The following CCDC73 variants were observed in gnomAD, a reference collection of about 807,000 sequenced individuals.
CCDC73 encodes coiled-coil domain containing 73, also known as coiled-coil domain-containing protein 73.
A neutral mutation model predicts 116.5 loss-of-function variants in CCDC73; 95 were observed. The observed-to-expected ratio is 0.82, with a 90% CI of 0.69 to 0.97. The LOEUF is 0.97. Ranked by LOEUF, CCDC73 falls within the 50% of genes least tolerant of loss-of-function variation. The pLI is 0.00. For synonymous variants in CCDC73, 398 were observed against 401.3 expected, an observed-to-expected ratio of 0.99 and a Z score of 0.10; for missense variants, 1,066 against 1,206.8, an observed-to-expected ratio of 0.88 and a Z score of 1.73.
At chr11:32,777,099 C>CT (rs759122829) in intron 1 of CCDC73, among the ~76,000 whole-genome samples, 12,803 of 106,798 alleles carry the variant, frequency 0.12, 1,257 homozygotes, top group Non-Finnish European at 0.17. Flanking sequence ...TTTTTTCTTT[C>CT]TTTTTTTTTT....
chr11:32,604,264 C>CA, intron 17 of CCDC73: 1 of 152,184 alleles, frequency 6.6e-6, no homozygotes, highest in Admixed American at 6.5e-5. Context: ...CCTTGGACTA[C>CA]AGGCATGTGC....
chr11:32,660,229 CAAAAAAAAAAAA>C (rs11310092), intron 9 of CCDC73, among the ~76,000 whole-genome samples: 8 of 66,506 alleles, frequency 1.2e-4, no homozygotes, highest in Admixed American at 2.1e-4. Flanking sequence ...TTCTCTCTAC[CAAAAAAAAAAAA>C]AAAAAAAAAA....
chr11:32,638,207 T>C (rs1197942675), intron 13 of CCDC73, among the ~76,000 whole-genome samples: 1 of 152,246 alleles, frequency 6.6e-6, no homozygotes, highest in Non-Finnish European at 1.5e-5. Context: ...TACAACATTC[T>C]TCTTATTGAT....
chr11:32,674,155 C>G (rs1856063925), intron 9 of CCDC73, among the ~76,000 whole-genome samples: 1 of 152,098 alleles, frequency 6.6e-6, no homozygotes, highest in Non-Finnish European at 1.5e-5. Flanking sequence ...GAGGGGCAAA[C>G]AGAAGATTTT....
chr11:32,782,325 T>C (rs192690409), intron 1 of CCDC73, among the ~76,000 whole-genome samples: 39 of 152,278 alleles, frequency 2.6e-4, no homozygotes, highest in African/African-American at 7.5e-4. Flanking sequence ...TGTGGAAAAA[T>C]TGTCTTCCAC....
At chr11:32,697,698 G>A (rs1249796224) in intron 6 of CCDC73, among the ~76,000 whole-genome samples, 1 of 151,752 alleles carries the variant, frequency 6.6e-6, no homozygotes, top group African/African-American at 2.4e-5. Flanking sequence ...TGGCCAGGCT[G>A]GTCTCCAACT....
chr11:32,726,388 G>T (rs1324571684), intron 2 of CCDC73, among the ~76,000 whole-genome samples: 2 of 152,012 alleles, frequency 1.3e-5, no homozygotes, highest in African/African-American at 4.8e-5. Context: ...TATTAGAACT[G>T]AAAAATATAA....
the CCDC73 span, among the ~76,000 whole-genome samples, chr11:32,828,648 A>G: frequency 6.6e-6 from 1 of 152,196 alleles, no homozygotes; most frequent in Admixed American, 6.5e-5. Context: ...GGATGTGACC[A>G]TCACCTGGCA....
chr11:32,633,704 T>C lies in CCDC73; in HGVS notation c.1185+1992A>G, dbSNP rs551039415. On this transcript the variant is annotated intron_variant, in intron 14 of 17. Coordinates refer to ENST00000335185, the MANE Select transcript of CCDC73 (RefSeq NM_001008391.4). ...AATTGCTGTCTACCAGGGAAGCTCATTAGAGACTCAGCACCCAAAGTTTTT... is the reference window on the plus strand; with the variant it reads ...AATTGCTGTCTACCAGGGAAGCTCACTAGAGACTCAGCACCCAAAGTTTTT... Among the ~76,000 whole-genome samples, 10 of 152,318 alleles carry C rather than the reference T, an allele frequency of 6.6e-5. 1 individual carries two copies. The East Asian group carries it at 1.4e-3, about 21-fold the overall frequency.
intron 2 of CCDC73, among the ~76,000 whole-genome samples, chr11:32,736,294 GAACTC>G (rs1189626137): frequency 6.6e-6 from 1 of 151,990 alleles, no homozygotes; most frequent in Non-Finnish European, 1.5e-5. Context: ...AATCTACAAA[GAACTC>G]AAACAAATTT....
the CCDC73 span, among the ~76,000 whole-genome samples, chr11:32,825,461 C>A: frequency 6.6e-6 from 1 of 152,126 alleles, no homozygotes; most frequent in African/African-American, 2.4e-5. Flanking sequence ...CACCACCACA[C>A]CTGGCTAATT....
intron 2 of CCDC73, among the ~76,000 whole-genome samples, chr11:32,727,561 T>C (rs1337303778): frequency 2.0e-5 from 3 of 152,044 alleles, no homozygotes; most frequent in Non-Finnish European, 1.5e-5. Context: ...CAGTGGATAC[T>C]GCCTGAAGCA....
chr11:32,761,162 T>C (rs1051305201), intron 1 of CCDC73, among the ~76,000 whole-genome samples: 2 of 152,138 alleles, frequency 1.3e-5, no homozygotes, highest in African/African-American at 2.4e-5. Flanking sequence ...CTGTTATCTA[T>C]CTCCGTAATT....
At chr11:32,645,291 C>CTTTTTTTTTTTTTTTTTTTTT (rs397689348) in intron 12 of CCDC73, among the ~76,000 whole-genome samples, 2 of 121,084 alleles carry the variant, frequency 1.7e-5, no homozygotes, top group Non-Finnish European at 1.7e-5. Context: ...TTTTCTTTTT[C>CTTTTTTTTTTTTTTTTTTTTT]TTTTTTTTTT....
chr11:32,804,631 T>C, the CCDC73 span, among the ~76,000 whole-genome samples: 1 of 152,238 alleles, frequency 6.6e-6, no homozygotes, highest in South Asian at 2.1e-4. Flanking sequence ...TTCCCAGAAA[T>C]AGTGAATAGG....
intron 3 of CCDC73, among the ~76,000 whole-genome samples, chr11:32,705,476 C>T (rs1849847669): frequency 6.6e-6 from 1 of 152,170 alleles, no homozygotes; most frequent in African/African-American, 2.4e-5. Context: ...GCTGCCCTGC[C>T]GCAGCAGCCA....
chr11:32,641,909 A>G (rs1855736234), intron 13 of CCDC73, 63 bp downstream of exon 13: 5 of 1,157,278 alleles, frequency 4.3e-6, no homozygotes, highest in Non-Finnish European at 4.5e-6. Flanking sequence ...TAGCATTTAT[A>G]GTTATTTTAA....
At chr11:32,733,817 G>A (rs928051701) in intron 2 of CCDC73, among the ~76,000 whole-genome samples, 5 of 152,112 alleles carry the variant, frequency 3.3e-5, no homozygotes, top group Non-Finnish European at 7.3e-5. Context: ...AGAGAAAGCA[G>A]GAAAGATCTA....
chr11:32,771,100 T>C (rs926251504), intron 1 of CCDC73, among the ~76,000 whole-genome samples: 1 of 152,194 alleles, frequency 6.6e-6, no homozygotes, highest in Non-Finnish European at 1.5e-5. Flanking sequence ...AAAAGATTCA[T>C]AGAAACCACA....
Sources: allele counts gnomAD v4.1 joint callset (sites outside exome capture counted in the v4.1 genomes callset), GRCh38; gene constraint gnomAD v4.1.1; transcripts MANE v1.5; gene names NCBI Gene and HGNC (gene_info 2026-07-23, HGNC 2026-07-21).